Variants in WWOX observed in about 807,000 individuals in gnomAD.
WWOX encodes WW domain containing oxidoreductase.
A neutral mutation model predicts 46.2 loss-of-function variants in WWOX; 69 were observed. The observed-to-expected ratio is 1.49, with a 90% CI of 1.23 to 1.82. The LOEUF (loss-of-function observed/expected upper bound fraction) is 1.82. Among genes scored for constraint, WWOX ranks in the 40% most tolerant of loss-of-function variants. WWOX has a pLI of 0.00. For missense variants in WWOX, 919 were observed against 542.6 expected (o/e 1.69, Z -6.89); for synonymous variants, 359 against 202.6 (o/e 1.77, Z -6.56).
intron 5 of WWOX, among the ~76,000 whole-genome samples, chr16:78,263,100 A>G (rs1257410424): frequency 6.6e-6 from 1 of 152,088 alleles, no homozygotes; most frequent in Non-Finnish European, 1.5e-5. Flanking sequence ...AAGCTGGGGG[A>G]AACATGGTGC....
intron 8 of WWOX, among the ~76,000 whole-genome samples, chr16:78,559,479 T>A (rs145252612): frequency 2.6e-5 from 4 of 152,316 alleles, no homozygotes; most frequent in African/African-American, 9.6e-5. Context: ...CCAATGGATT[T>A]ATGAAATGAA....
chr16:78,399,538 C>T (rs2151942969), intron 6 of WWOX, among the ~76,000 whole-genome samples: 1 of 152,296 alleles, frequency 6.6e-6, no homozygotes, highest in East Asian at 1.9e-4. Flanking sequence ...CGACACCTCT[C>T]AGCCCAGTCT....
At chr16:78,586,134 ATTGT>A (rs1467348853) in intron 8 of WWOX, among the ~76,000 whole-genome samples, 1 of 152,082 alleles carries the variant, frequency 6.6e-6, no homozygotes, top group Non-Finnish European at 1.5e-5. Context: ...AGGTGGGAGG[ATTGT>A]TTGAGCCCCG....
In WWOX at chr16:78,099,862, G is replaced by A. The variant is rs1292662048; in HGVS notation, c.84G>A (p.Lys28=). Reference sequence around the variant, plus strand: ...CGGGCTGGGAGGAGAGAACCACCAAGGACGGCTGGGTTTACTACGCCAAGT... The same window carrying A: ...CGGGCTGGGAGGAGAGAACCACCAAAGACGGCTGGGTTTACTACGCCAAGT... ...LPPGWEERTT[K]DGWVYYANHT... Residue 28 remains lysine (K), a synonymous_variant, in exon 1 of 9, where the codon AAG becomes AAA. Transcript: ENST00000566780. 3.2e-6 allele frequency: 5 copies of A among 1,576,124 alleles called. No homozygotes were observed. The African/African-American group carries it at 4.1e-5, about 13-fold the overall frequency.
intron 8 of WWOX, chr16:78,525,849 A>T (rs2043452838): frequency 1.0e-5 from 1 of 96,834 alleles, no homozygotes; most frequent in South Asian, 3.2e-4. Flanking sequence ...CTGCTTTAAA[A>T]AAAAAAAAAA....
At chr16:79,059,754 T>C (rs895020957) in intron 8 of WWOX, among the ~76,000 whole-genome samples, 21 of 152,324 alleles carry the variant, frequency 1.4e-4, no homozygotes, top group African/African-American at 4.8e-5. Context: ...GAGAAATGGG[T>C]AAACTTGAAA....
chr16:78,982,805 T>G (rs1010528679), intron 8 of WWOX, among the ~76,000 whole-genome samples: 1 of 152,156 alleles, frequency 6.6e-6, no homozygotes, highest in Admixed American at 6.5e-5. Flanking sequence ...AAAATATATT[T>G]TATTTATCAA....
At chr16:78,102,866 A>C (rs1485152579) in intron 1 of WWOX, among the ~76,000 whole-genome samples, 1 of 152,034 alleles carries the variant, frequency 6.6e-6, no homozygotes, top group African/African-American at 2.4e-5. Flanking sequence ...TGGGAGGGTC[A>C]GCCGCAGGCT....
chr16:78,196,117 A>G (rs1014718322), intron 5 of WWOX, among the ~76,000 whole-genome samples: 1 of 152,228 alleles, frequency 6.6e-6, no homozygotes, highest in Non-Finnish European at 1.5e-5. Context: ...AGTGGAATTT[A>G]CTATGATGGC....
chr16:78,145,444 C>G (rs1045597239), intron 4 of WWOX, among the ~76,000 whole-genome samples: 10 of 152,066 alleles, frequency 6.6e-5, no homozygotes, highest in African/African-American at 2.4e-4. Context: ...GTCCGATGTT[C>G]CAGGGCAGGA....
At chr16:78,205,027 G>A (rs1486574465) in intron 5 of WWOX, among the ~76,000 whole-genome samples, 1 of 152,124 alleles carries the variant, frequency 6.6e-6, no homozygotes, top group African/African-American at 2.4e-5. Flanking sequence ...CTGTTTTGTT[G>A]AAGACACTCT....
At chr16:78,850,139 T>C (rs929310885) in intron 8 of WWOX, among the ~76,000 whole-genome samples, 3 of 152,018 alleles carry the variant, frequency 2.0e-5, no homozygotes, top group Non-Finnish European at 4.4e-5. Flanking sequence ...TCACTACCAG[T>C]TTCTGTGTGT....
chr16:78,317,277 C>G (rs1300559068), intron 5 of WWOX, among the ~76,000 whole-genome samples: 1 of 152,190 alleles, frequency 6.6e-6, no homozygotes, highest in Non-Finnish European at 1.5e-5. Flanking sequence ...CTCTCTCTCT[C>G]TCTGTCTGTC....
At chr16:78,301,060 T>C (rs960550051) in intron 5 of WWOX, among the ~76,000 whole-genome samples, 4 of 152,140 alleles carry the variant, frequency 2.6e-5, no homozygotes, top group Non-Finnish European at 4.4e-5. Context: ...TGCATGTAAG[T>C]TGCAGACATC....
intron 4 of WWOX, among the ~76,000 whole-genome samples, chr16:78,144,429 C>CTATATATATATATA (rs1231079672): frequency 0.029 from 441 of 15,384 alleles, 78 homozygotes; most frequent in Non-Finnish European, 0.038. Context: ...TTTGCCATTA[C>CTATATATATATATA]TATATATATA....
intron 8 of WWOX, among the ~76,000 whole-genome samples, chr16:78,457,960 C>G (rs1364850298): frequency 6.7e-6 from 1 of 148,736 alleles, no homozygotes; most frequent in African/African-American, 2.5e-5. Context: ...TGCCTGTAAT[C>G]ACAGCTATCC....
At chr16:78,878,923 C>T (rs1436494601) in intron 8 of WWOX, among the ~76,000 whole-genome samples, 1 of 120,442 alleles carries the variant, frequency 8.3e-6, no homozygotes, top group Non-Finnish European at 1.8e-5. Flanking sequence ...AAAAAAAAGC[C>T]TGTCATAGTG....
chr16:78,900,038 A>G (rs920357801), intron 8 of WWOX, among the ~76,000 whole-genome samples: 43 of 149,544 alleles, frequency 2.9e-4, no homozygotes, highest in Admixed American at 2.7e-4. Flanking sequence ...GGAGATGTGC[A>G]ATATACAAGC....
intron 8 of WWOX, among the ~76,000 whole-genome samples, chr16:78,456,921 T>C (rs369888365): frequency 6.6e-5 from 10 of 152,252 alleles, no homozygotes; most frequent in African/African-American, 2.2e-4. Context: ...TGATCACCCT[T>C]ATGAAGAGTT....
Sources: allele counts gnomAD v4.1 joint callset (sites outside exome capture counted in the v4.1 genomes callset), GRCh38; gene constraint gnomAD v4.1.1; transcripts MANE v1.5; gene names NCBI Gene and HGNC (gene_info 2026-07-23, HGNC 2026-07-21).